Variants in CCDC149 observed in about 807,000 individuals in gnomAD.
The protein encoded by CCDC149 is coiled-coil domain-containing protein 149.
CCDC149 carries 45 observed loss-of-function variants against 59.9 expected under a neutral mutation model. The observed-to-expected ratio is 0.75, with a 90% CI of 0.59 to 0.96. The LOEUF is 0.96. Ranked by LOEUF, CCDC149 falls within the 40% of genes least tolerant of loss-of-function variation. CCDC149 has a pLI of 0.00. For missense variants in CCDC149, 584 were observed against 664.7 expected (o/e 0.88, Z 1.33); for synonymous variants, 245 against 260.6 (o/e 0.94, Z 0.58).
At chr4:24,974,443 C>T (rs1724089637) in intron 1 of CCDC149, among the ~76,000 whole-genome samples, 1 of 152,186 alleles carries the variant, frequency 6.6e-6, no homozygotes. Context: ...CACCTTGCAG[C>T]CAAGAAGCCC....
At chr4:24,813,006 T>C (rs1055398487) in intron 12 of CCDC149, among the ~76,000 whole-genome samples, 1 of 152,128 alleles carries the variant, frequency 6.6e-6, no homozygotes, top group East Asian at 1.9e-4. Context: ...ACTGAATGCT[T>C]GTGTCCTCCC....
Position 24,820,150 on chromosome 4 carries a change from G to A in CCDC149, c.1076-175C>T, listed in dbSNP as rs142193320. On this transcript the variant is annotated intron_variant, in intron 11 of 12. Transcript: ENST00000635206. ...TTCCTTACACTATTGCACCACCCTA[G>A]CCCTAACCCTTGCACACACACACAC... 3.1e-4 allele frequency: 180 copies of A among 576,040 alleles called. 1 individual carries two copies. The African/African-American group carries it at 3.3e-3, about 10-fold the overall frequency. 35.7% of individuals were successfully genotyped at this position (576,040 alleles called of 1,614,324 possible).
intron 1 of CCDC149, among the ~76,000 whole-genome samples, chr4:24,933,054 GA>G (rs201516788): frequency 6.6e-6 from 1 of 151,724 alleles, no homozygotes; most frequent in African/African-American, 2.4e-5. Flanking sequence ...AGTCAGGCAG[GA>G]AAAAAAACAG....
chr4:24,940,144 A>G (rs12186249), intron 1 of CCDC149, among the ~76,000 whole-genome samples: 61,778 of 150,902 alleles, frequency 0.41, 14,659 homozygotes, highest in Non-Finnish European at 0.54. Flanking sequence ...GCAGCCAGAA[A>G]GAAAGGTTGG....
Position 24,978,591 on chromosome 4 carries a change from G to A in CCDC149, c.-65+1478C>T, listed in dbSNP as rs1724323988. 5.3e-5 allele frequency among the ~76,000 whole-genome samples: 8 copies of A among 152,136 alleles called. No individual in the cohort carries two copies. The South Asian group carries it at 1.7e-3, about 32-fold the overall frequency. Reference sequence around the variant, plus strand: ...AAACCTCAGATGAAGAGACAAGGATGGGGGTAGGATGGCATTTGGAACCCA... The same window carrying A: ...AAACCTCAGATGAAGAGACAAGGATAGGGGTAGGATGGCATTTGGAACCCA... On this transcript the variant is annotated intron_variant, in intron 1 of 12. Coordinates refer to the CCDC149 transcript ENST00000389609.
At chr4:24,908,021 G>C (rs1363397221) in intron 1 of CCDC149, among the ~76,000 whole-genome samples, 1 of 152,092 alleles carries the variant, frequency 6.6e-6, no homozygotes, top group Non-Finnish European at 1.5e-5. Context: ...TGCCTCTTCT[G>C]ATAAGGACAC....
In CCDC149 at chr4:24,896,837, T is replaced by C. The variant is rs573782714; in HGVS notation, c.63+15980A>G. ...AAGGGACTTTGGGGAAAGAAACAGA[T>C]GAGAATGTTGTTTGGACCAAAAGAA... On this transcript the variant is annotated intron_variant, in intron 1 of 12. Transcript: ENST00000635206. Among the ~76,000 whole-genome samples, 5 of 152,150 alleles carry C rather than the reference T, an allele frequency of 3.3e-5. No individual in the cohort carries two copies. The East Asian group carries it at 7.7e-4, about 24-fold the overall frequency.
chr4:24,905,189 G>A (rs943889753), intron 1 of CCDC149, among the ~76,000 whole-genome samples: 1 of 151,674 alleles, frequency 6.6e-6, no homozygotes, highest in African/African-American at 2.4e-5. Context: ...GTGAGCCACC[G>A]CACCCGGCCT....
At chr4:24,928,277 C>T (rs766887377) in intron 1 of CCDC149, among the ~76,000 whole-genome samples, 5 of 152,246 alleles carry the variant, frequency 3.3e-5, no homozygotes, top group South Asian at 2.1e-4. Flanking sequence ...TCTAGAGACA[C>T]GTACATTGGA....
At chr4:24,856,162 C>T (rs201993868) in intron 3 of CCDC149, among the ~76,000 whole-genome samples, 1 of 7,160 alleles carries the variant, frequency 1.4e-4, no homozygotes, top group African/African-American at 4.5e-4. Flanking sequence ...GCGAAGGCCT[C>T]TCCTTGGACA....
chr4:24,827,743 C>G (rs768561320), intron 9 of CCDC149: 5 of 152,162 alleles, frequency 3.3e-5, no homozygotes, highest in Non-Finnish European at 7.3e-5. Context: ...ATCAATTCTT[C>G]GAGATGGCTT....
intron 1 of CCDC149, among the ~76,000 whole-genome samples, chr4:24,968,491 C>CA (rs138700037): frequency 0.1 from 15,495 of 152,238 alleles, 1,111 homozygotes; most frequent in East Asian, 0.26. Context: ...CCCTTAGCAA[C>CA]AGAGTTGTAA....
chr4:24,878,655 C>A (rs1428368081), intron 1 of CCDC149, among the ~76,000 whole-genome samples: 2 of 152,352 alleles, frequency 1.3e-5, no homozygotes, highest in African/African-American at 4.8e-5. Flanking sequence ...AGACAGTCAC[C>A]TTTATCCCTT....
intron 4 of CCDC149, among the ~76,000 whole-genome samples, chr4:24,851,294 A>C (rs945587968): frequency 6.6e-6 from 1 of 152,160 alleles, no homozygotes; most frequent in African/African-American, 2.4e-5. Flanking sequence ...ATGGGGTCTC[A>C]TTCTGTCATC....
At chr4:24,968,523 C>T (rs1723871450) in intron 1 of CCDC149, among the ~76,000 whole-genome samples, 1 of 152,194 alleles carries the variant, frequency 6.6e-6, no homozygotes, top group Non-Finnish European at 1.5e-5. Context: ...ACCTGTAGTC[C>T]TAATGCAAGA....
In CCDC149 at chr4:24,808,573, C is replaced by T; in HGVS notation, c.1439G>A (p.Ser480Asn). The change falls in exon 13 of 13, where the codon AGT (serine) becomes AAT (asparagine). Residue 480 changes from serine to asparagine, a missense_variant. Transcript: ENST00000635206. ...CTCACTCCTCTGACCTTCTATGGGA[C>T]TCTCTCTTCTGACCTCTTCCAGTTC... 1 of 1,551,858 alleles carries T rather than the reference C, an allele frequency of 6.4e-7. No homozygotes were observed. The highest frequency in any genetic ancestry group is 8.7e-7 in the Non-Finnish European group (1 of 1,147,020).
At chr4:24,860,827 C>T (rs1160826230) in intron 3 of CCDC149, among the ~76,000 whole-genome samples, 2 of 152,012 alleles carry the variant, frequency 1.3e-5, no homozygotes, top group Admixed American at 6.6e-5. Context: ...ATATAAATGG[C>T]CGACAAACAT....
chr4:24,905,410 C>CGT (rs1304853540), intron 1 of CCDC149, among the ~76,000 whole-genome samples: 5,904 of 93,582 alleles, frequency 0.063, 175 homozygotes, highest in Admixed American at 0.087. Context: ...TTTTTGCGTG[C>CGT]GTGCGTGTGT....
At chr4:24,924,978 C>A (rs1722398252) in intron 1 of CCDC149, among the ~76,000 whole-genome samples, 1 of 152,166 alleles carries the variant, frequency 6.6e-6, no homozygotes, top group Non-Finnish European at 1.5e-5. Context: ...TTCGAAGACA[C>A]CCAAAGTTTT....
Sources: allele counts gnomAD v4.1 joint callset (sites outside exome capture counted in the v4.1 genomes callset), GRCh38; gene constraint gnomAD v4.1.1; transcripts MANE v1.5; gene names NCBI Gene and HGNC (gene_info 2026-07-23, HGNC 2026-07-21).